The following MAPT variants were observed in gnomAD, a reference collection of about 807,000 sequenced individuals.
MAPT encodes the protein microtubule-associated protein tau.
Under a neutral mutation model 67.9 loss-of-function variants are expected in MAPT, and 34 were observed. The ratio of observed to expected loss-of-function variants is 0.50; its 90% CI spans 0.38 to 0.67. MAPT has a LOEUF of 0.67. Ranked by LOEUF, MAPT falls within the 30% of genes least tolerant of loss-of-function variation. The pLI is 0.00. For synonymous variants in MAPT, 456 were observed against 464.5 expected (o/e 0.98, Z 0.23); for missense variants, 881 against 1,115.2 (o/e 0.79, Z 2.99).
Position 45,983,908 on chromosome 17 carries a change from C to A in MAPT, c.1329C>A (p.Val443=). The change falls in exon 5 of 13, where the codon GTC becomes GTA. Residue 443 remains valine, a synonymous_variant. Transcript: ENST00000262410. ...QPAAAPRGKP[V]SRVPQLKARM... ...CTGCTGCTCCGCGGGGGAAGCCCGT[C>A]AGCCGGGTCCCTCAACTCAAAGGTC... 2 of 1,576,778 alleles carry A rather than the reference C, an allele frequency of 1.3e-6. No homozygotes were observed. The highest frequency in any genetic ancestry group is 1.7e-6 in the Non-Finnish European group (2 of 1,165,498).
intron 11 of MAPT, among the ~76,000 whole-genome samples, chr17:46,016,716 A>G (rs1403625423): frequency 6.6e-6 from 1 of 152,220 alleles, no homozygotes; most frequent in East Asian, 1.9e-4. Context: ...GCTTGCAGTG[A>G]GCCAAGATCG....
chr17:45,947,987 G>C (rs1325051678), intron 1 of MAPT, among the ~76,000 whole-genome samples: 1 of 147,732 alleles, frequency 6.8e-6, no homozygotes, highest in Non-Finnish European at 1.5e-5. Context: ...TTAATGACTA[G>C]GTTTTTTTGT....
chr17:45,941,985 T>G (rs1341883666), intron 1 of MAPT, among the ~76,000 whole-genome samples: 1 of 152,092 alleles, frequency 6.6e-6, no homozygotes, highest in African/African-American at 2.4e-5. Flanking sequence ...GGACAGATCC[T>G]CAGTGGAACA....
intron 6 of MAPT, among the ~76,000 whole-genome samples, chr17:45,988,852 T>G (rs1375853817): frequency 1.3e-5 from 2 of 152,086 alleles, no homozygotes; most frequent in East Asian, 3.9e-4. Flanking sequence ...ACCACTGCAC[T>G]CCAGCCAGGG....
intron 10 of MAPT, among the ~76,000 whole-genome samples, chr17:46,013,505 T>C (rs2075963470): frequency 6.6e-6 from 1 of 152,224 alleles, no homozygotes; most frequent in African/African-American, 2.4e-5. Context: ...TCGAGCTTAC[T>C]GAGACACTAA....
At chr17:45,960,175 C>T (rs1400814959) in intron 1 of MAPT, among the ~76,000 whole-genome samples, 1 of 152,216 alleles carries the variant, frequency 6.6e-6, no homozygotes, top group Admixed American at 6.5e-5. Flanking sequence ...AGAAGTCAAG[C>T]CCTGGTGCCA....
At chr17:45,904,675 C>G (rs892871911) in intron 1 of MAPT, among the ~76,000 whole-genome samples, 1 of 148,526 alleles carries the variant, frequency 6.7e-6, no homozygotes, top group Non-Finnish European at 1.5e-5. Context: ...CTGGGTAACA[C>G]AGCAAGGCCC....
chr17:45,897,137 G>C lies in MAPT; in HGVS notation c.-18+2451G>C, dbSNP rs1290124055. On this transcript the variant is annotated intron_variant, in intron 1 of 12. Coordinates refer to ENST00000262410, the MANE Select transcript of MAPT (RefSeq NM_001377265.1). This position sits in a 1 kb window ranked among gnomAD's most constrained non-coding sequence, Gnocchi z 5.0. ...GGGGTTGCAGAGCGGCTCAGGGATC[G>C]ATTCAAGCATCGTCTCTCCTCCCTC... is the stretch of plus-strand genomic sequence containing the variant. 1 of 152,246 alleles carries C rather than the reference G, an allele frequency of 6.6e-6. No individual in the cohort carries two copies. Among genetic ancestry groups the C allele is most frequent in the Non-Finnish European group, 1.5e-5 (1 of 68,076 alleles). The allele number at this position is 152,246 out of a possible 1,614,324, so 9.4% of individuals were successfully genotyped here. A position where few individuals can be genotyped will look rare whatever the true frequency, so the allele number is the denominator to read the frequency against.
chr17:46,005,725 C>T (rs538153713), intron 9 of MAPT, among the ~76,000 whole-genome samples: 9 of 152,362 alleles, frequency 5.9e-5, no homozygotes, highest in Non-Finnish European at 1.2e-4. Flanking sequence ...GTGAGAAAGC[C>T]TGTCCCACCT....
chr17:46,014,972 A>AG (rs1461405294), intron 11 of MAPT, among the ~76,000 whole-genome samples: 1 of 152,188 alleles, frequency 6.6e-6, no homozygotes, highest in East Asian at 1.9e-4. Context: ...AAGGGTAGTG[A>AG]GGGGATGGTG....
chr17:45,941,680 C>CCTTCCTTCCTTCCT (rs2067928765), intron 1 of MAPT, among the ~76,000 whole-genome samples: 2 of 47,224 alleles, frequency 4.2e-5, no homozygotes, highest in Non-Finnish European at 3.8e-5. Context: ...CCCCCCTTCC[C>CCTTCCTTCCTTCCT]TCCTTCCTTC....
At chr17:46,013,175 T>G (rs2075938010) in intron 10 of MAPT, among the ~76,000 whole-genome samples, 1 of 152,150 alleles carries the variant, frequency 6.6e-6, no homozygotes, top group Non-Finnish European at 1.5e-5. Flanking sequence ...AGGGCGGTGC[T>G]TCCTCGGGAG....
intron 1 of MAPT, among the ~76,000 whole-genome samples, chr17:45,950,086 G>T (rs962993247): frequency 6.6e-6 from 1 of 152,134 alleles, no homozygotes; most frequent in African/African-American, 2.4e-5. Flanking sequence ...GTTGGGGGGA[G>T]TTGGGTCACT....
intron 9 of MAPT, among the ~76,000 whole-genome samples, chr17:46,005,197 G>A (rs1250555226): frequency 6.6e-6 from 1 of 152,136 alleles, no homozygotes; most frequent in East Asian, 1.9e-4. Context: ...TCTCTTCCTT[G>A]AAAAACTGGT....
chr17:46,003,265 T>C (rs1018255614), intron 9 of MAPT, among the ~76,000 whole-genome samples: 2 of 151,944 alleles, frequency 1.3e-5, no homozygotes, highest in Non-Finnish European at 2.9e-5. Flanking sequence ...GAGAACTGAG[T>C]ATTCTAAAAA....
intron 5 of MAPT, among the ~76,000 whole-genome samples, chr17:45,984,685 A>T (rs960144879): frequency 1.3e-5 from 2 of 152,178 alleles, no homozygotes; most frequent in Admixed American, 6.5e-5. Flanking sequence ...GCAGAGGACA[A>T]GGGGATCCTC....
At position 45,996,724 on chromosome 17, in the gene MAPT, TGCCTGGAAGGGTAGGGCTGC is replaced by T. The variant is rs1008719381; in HGVS notation, c.1998+68_1998+87del. The T allele has an allele frequency of 2.5e-6, 4 of 1,595,732 alleles. No individual in the cohort carries two copies. Among genetic ancestry groups the T allele is most frequent in the African/African-American group, 1.3e-5 (1 of 74,460 alleles). ...GGCTGCGCCTGGAGGGGTAGGGCTGTGCCTGGAAGGGTAGGGCTGCGCCTGGAGGTGCGCGGTTGAGCGTG... is the reference window on the plus strand; with the variant it reads ...GGCTGCGCCTGGAGGGGTAGGGCTGTGCCTGGAGGTGCGCGGTTGAGCGTG... On this transcript the variant is annotated intron_variant, in intron 9 of 12. Coordinates refer to ENST00000262410, the MANE Select transcript of MAPT (RefSeq NM_001377265.1). The surrounding 1 kb of genome is among the most constrained non-coding windows in gnomAD (Gnocchi z 4.5).
chr17:45,942,873 G>A (rs1039220295), intron 1 of MAPT, among the ~76,000 whole-genome samples: 11 of 152,208 alleles, frequency 7.2e-5, no homozygotes, highest in African/African-American at 2.7e-4. Context: ...GAGGTTGAGT[G>A]ACTTGCCCCA....
At chr17:46,015,435 G>C (rs12149995) in intron 11 of MAPT, among the ~76,000 whole-genome samples, 2 of 151,798 alleles carry the variant, frequency 1.3e-5, no homozygotes, top group African/African-American at 4.8e-5. Context: ...CGAGGCGAGC[G>C]GATCACAAGG....
Sources: gnomAD v4.1 joint callset for allele counts (sites outside exome capture counted in the v4.1 genomes callset) on GRCh38, gnomAD v4.1.1 for gene constraint, Gnocchi (gnomAD v3.1) non-coding constraint, MANE v1.5 for transcripts, NCBI Gene and HGNC (gene_info 2026-07-23, HGNC 2026-07-21) for gene names.